SOCS2: variants seen among roughly 807,000 people sequenced by gnomAD.
The protein encoded by SOCS2 is CIS-2.
SOCS2 carries 10 observed loss-of-function variants against 18.6 expected under a neutral mutation model. The ratio of observed to expected loss-of-function variants is 0.54; its 90% CI spans 0.33 to 0.91. The LOEUF (loss-of-function observed/expected upper bound fraction) is 0.91. Among genes scored for constraint, SOCS2 ranks in the 40% least tolerant of loss-of-function variants. The pLI is 0.02. For synonymous variants in SOCS2, 104 were observed against 104.0 expected (o/e 1.00, Z 0.00); for missense variants, 231 against 247.2 (o/e 0.93, Z 0.44).
the SOCS2 span, among the ~76,000 whole-genome samples, chr12:93,606,669 T>C: frequency 6.6e-6 from 1 of 152,150 alleles, no homozygotes; most frequent in Admixed American, 6.5e-5. Flanking sequence ...GTTTTTGTTT[T>C]TGGGACAGGG....
chr12:93,570,473 G>T (rs1297667218), upstream of SOCS2: 1 of 152,338 alleles, frequency 6.6e-6, no homozygotes, highest in Non-Finnish European at 1.5e-5. Flanking sequence ...CGCCATCGAT[G>T]TGTCTTAGAG....
the SOCS2 span, among the ~76,000 whole-genome samples, chr12:93,614,476 TTCCTTTCCTTCCTTCC>T: frequency 9.0e-5 from 7 of 77,558 alleles, no homozygotes; most frequent in African/African-American, 1.5e-4. Context: ...CCTTCCTTCC[TTCCTTTCCTTCCTTCC>T]TTCCTTCCTT....
rs895669017 is a variant in SOCS2 at position 93,575,845 on chromosome 12, G to A, written c.*666G>A. On this transcript the variant is annotated 3_prime_UTR_variant, in exon 2 of 2. Coordinates refer to ENST00000551556, the MANE Select transcript of SOCS2 (RefSeq NM_001270471.2). ...CTTATTTCAGAAATATTTCAAACTG[G>A]TGCAAATGGAAAAGACTTTCTCTTT... The A allele has an allele frequency of 6.6e-6, 1 of 152,524 alleles. No homozygotes were observed. The highest frequency in any genetic ancestry group is 1.5e-5 in the Non-Finnish European group (1 of 68,022). The allele number at this position is 152,524 out of a possible 1,614,324, so 9.4% of individuals were successfully genotyped here.
the SOCS2 span, among the ~76,000 whole-genome samples, chr12:93,593,307 CAGAAA>C: frequency 6.6e-6 from 1 of 152,190 alleles, no homozygotes; most frequent in African/African-American, 2.4e-5. Context: ...TCCGCCTACT[CAGAAA>C]CACAGCATCT....
the SOCS2 span, among the ~76,000 whole-genome samples, chr12:93,614,588 T>TTTCTTTCTTTCC: frequency 9.5e-6 from 1 of 105,014 alleles, no homozygotes; most frequent in South Asian, 3.1e-4. Context: ...TCTTTCTTTC[T>TTTCTTTCTTTCC]TTCTTTCTTT....
the SOCS2 span, among the ~76,000 whole-genome samples, chr12:93,619,768 T>C: frequency 6.6e-6 from 1 of 152,300 alleles, no homozygotes; most frequent in East Asian, 1.9e-4. Context: ...GTTTCCATAC[T>C]TGCATCAGCC....
the SOCS2 span, among the ~76,000 whole-genome samples, chr12:93,605,822 A>G: frequency 6.6e-6 from 1 of 152,270 alleles, no homozygotes; most frequent in East Asian, 1.9e-4. Flanking sequence ...GGCAGAATTC[A>G]TAACCTCCAC....
At chr12:93,588,195 T>C (rs1443875828), downstream of SOCS2, among the ~76,000 whole-genome samples, 2 of 152,350 alleles carry the variant, frequency 1.3e-5, no homozygotes, top group Non-Finnish European at 2.9e-5. Flanking sequence ...TAACAGAAGA[T>C]GTGAGTTTAT....
chr12:93,605,179 T>C, the SOCS2 span, among the ~76,000 whole-genome samples: 21 of 152,192 alleles, frequency 1.4e-4, no homozygotes, highest in Non-Finnish European at 1.6e-4. Flanking sequence ...TAATTACCAA[T>C]GCCACCACCA....
chr12:93,622,046 A>G, the SOCS2 span, among the ~76,000 whole-genome samples: 1 of 152,198 alleles, frequency 6.6e-6, no homozygotes, highest in South Asian at 2.1e-4. Flanking sequence ...GTCAGCCTGT[A>G]GGTTGAACTT....
chr12:93,617,507 A>G, the SOCS2 span, among the ~76,000 whole-genome samples: 2 of 152,122 alleles, frequency 1.3e-5, no homozygotes, highest in African/African-American at 4.8e-5. Context: ...GAATAAAAAC[A>G]CCACAGTATG....
chr12:93,614,430 C>CTTT, the SOCS2 span, among the ~76,000 whole-genome samples: 6 of 17,962 alleles, frequency 3.3e-4, 1 homozygote, highest in South Asian at 2.1e-3. Context: ...CCTTTCTTTC[C>CTTT]CTTCCTTCCT....
chr12:93,578,303 T>C (rs1361444381), downstream of SOCS2, among the ~76,000 whole-genome samples: 2 of 152,192 alleles, frequency 1.3e-5, no homozygotes, highest in African/African-American at 2.4e-5. Context: ...TTCTCTGCTT[T>C]TAGAAAATTG....
chr12:93,616,531 C>T, the SOCS2 span, among the ~76,000 whole-genome samples: 2 of 152,192 alleles, frequency 1.3e-5, no homozygotes, highest in Non-Finnish European at 2.9e-5. Context: ...AACATTAGAC[C>T]TAGAAGCAGG....
the SOCS2 span, among the ~76,000 whole-genome samples, chr12:93,591,620 A>C: frequency 6.6e-6 from 1 of 152,192 alleles, no homozygotes; most frequent in East Asian, 1.9e-4. Flanking sequence ...GTCTGTGGCC[A>C]GGGTAGAGTG....
downstream of SOCS2, among the ~76,000 whole-genome samples, chr12:93,578,494 T>C (rs1056196945): frequency 1.3e-5 from 2 of 152,304 alleles, no homozygotes; most frequent in Admixed American, 1.3e-4. Context: ...TAAGTCGTCC[T>C]TTCTATCCTT....
the SOCS2 span, among the ~76,000 whole-genome samples, chr12:93,598,580 T>A: frequency 1.3e-5 from 2 of 152,242 alleles, no homozygotes; most frequent in East Asian, 3.8e-4. Flanking sequence ...AGACTTGATA[T>A]TGATTTATCT....
At chr12:93,613,443 C>G in the SOCS2 span, among the ~76,000 whole-genome samples, 1 of 151,568 alleles carries the variant, frequency 6.6e-6, no homozygotes, top group Non-Finnish European at 1.5e-5. Flanking sequence ...AACAAACAAG[C>G]AAAAAAACAG....
chr12:93,623,128 C>A, the SOCS2 span, among the ~76,000 whole-genome samples: 2 of 152,074 alleles, frequency 1.3e-5, no homozygotes, highest in African/African-American at 4.8e-5. Flanking sequence ...CAGGGAAGGG[C>A]CTGGTGGGAA....
Sources: gnomAD v4.1 joint callset for allele counts (sites outside exome capture counted in the v4.1 genomes callset) on GRCh38, gnomAD v4.1.1 for gene constraint, MANE v1.5 for transcripts, NCBI Gene and HGNC (gene_info 2026-07-23, HGNC 2026-07-21) for gene names.